The following SORCS2 variants were observed in gnomAD, a reference collection of about 807,000 sequenced individuals.
SORCS2 encodes sortilin related VPS10 domain containing receptor 2, also known as VPS10 domain-containing receptor SorCS2.
Under a neutral mutation model 141.6 loss-of-function variants are expected in SORCS2, and 100 were observed. That is an observed-to-expected ratio of 0.71 (90% confidence interval 0.60 to 0.83). SORCS2 has a LOEUF of 0.83. Among genes scored for constraint, SORCS2 ranks in the 40% least tolerant of loss-of-function variants. The pLI, the probability that SORCS2 is intolerant of heterozygous loss-of-function variation, is 0.00. For synonymous variants in SORCS2, 789 were observed against 676.9 expected (o/e 1.17, Z -2.57); for missense variants, 1,646 against 1,560.2 (o/e 1.05, Z -0.93).
chr4:7,606,341 T>G (rs1258477644), intron 3 of SORCS2, among the ~76,000 whole-genome samples: 1 of 152,076 alleles, frequency 6.6e-6, no homozygotes, highest in Non-Finnish European at 1.5e-5. Flanking sequence ...GTGGATTGCA[T>G]TCTTAAATAC....
At chr4:7,633,635 TG>T (rs1720041336) in intron 3 of SORCS2, among the ~76,000 whole-genome samples, 2 of 152,288 alleles carry the variant, frequency 1.3e-5, no homozygotes, top group South Asian at 4.2e-4. Context: ...GACGCATAAG[TG>T]GATGAGTTTT....
chr4:7,545,224 A>C (rs1713164296), intron 3 of SORCS2, among the ~76,000 whole-genome samples: 1 of 152,176 alleles, frequency 6.6e-6, no homozygotes, highest in African/African-American at 2.4e-5. Flanking sequence ...ACAGAGAGGA[A>C]GGGACTCTGG....
chr4:7,642,627 T>C (rs983702255), intron 4 of SORCS2, among the ~76,000 whole-genome samples: 1 of 152,184 alleles, frequency 6.6e-6, no homozygotes, highest in African/African-American at 2.4e-5. Context: ...ACAAATCTGG[T>C]GTATTAGGCA....
At chr4:7,632,511 C>T (rs1034979266) in intron 3 of SORCS2, among the ~76,000 whole-genome samples, 13 of 152,212 alleles carry the variant, frequency 8.5e-5, no homozygotes, top group Non-Finnish European at 1.6e-4. Context: ...GGCTCACTCT[C>T]CCAACTCGGC....
chr4:7,388,834 C>G (rs1310908758), intron 1 of SORCS2, among the ~76,000 whole-genome samples: 1 of 152,142 alleles, frequency 6.6e-6, no homozygotes, highest in Non-Finnish European at 1.5e-5. Context: ...GTGGTGAGCA[C>G]CCCCGGCGAT....
chr4:7,251,647 A>G (rs1367305911), intron 1 of SORCS2, among the ~76,000 whole-genome samples: 1 of 152,178 alleles, frequency 6.6e-6, no homozygotes, highest in Admixed American at 6.5e-5. Flanking sequence ...GTAAATGGGT[A>G]TGATAGGATC....
At chr4:7,367,497 A>G (rs993394903) in intron 1 of SORCS2, among the ~76,000 whole-genome samples, 1 of 152,236 alleles carries the variant, frequency 6.6e-6, no homozygotes, top group Non-Finnish European at 1.5e-5. Context: ...AGCATTAAAC[A>G]GATGACCTCA....
chr4:7,373,106 C>T (rs150816792), intron 1 of SORCS2, among the ~76,000 whole-genome samples: 399 of 150,994 alleles, frequency 2.6e-3, no homozygotes, highest in Non-Finnish European at 4.6e-3. Context: ...AATACGTAGC[C>T]GTGACATGGC....
chr4:7,578,237 T>G (rs961597938), intron 3 of SORCS2, among the ~76,000 whole-genome samples: 4 of 152,232 alleles, frequency 2.6e-5, no homozygotes, highest in Admixed American at 2.0e-4. Flanking sequence ...TGAAGTAGCC[T>G]GAGACCCTTA....
intron 23 of SORCS2, among the ~76,000 whole-genome samples, chr4:7,730,265 G>C (rs950636460): frequency 6.6e-6 from 1 of 152,182 alleles, no homozygotes; most frequent in African/African-American, 2.4e-5. Flanking sequence ...TTAAAAATCA[G>C]ACAATTCCAA....
At chr4:7,718,290 C>G in intron 18 of SORCS2, 107 bp downstream of exon 18, 1 of 1,295,232 alleles carries the variant, frequency 7.7e-7, no homozygotes. Context: ...AGAAGTGGCT[C>G]AGGGCATCGT....
At chr4:7,373,478 A>ATATATATATATATATATATATTTTTT (rs1470691140) in intron 1 of SORCS2, among the ~76,000 whole-genome samples, 2 of 36,816 alleles carry the variant, frequency 5.4e-5, no homozygotes, top group Non-Finnish European at 8.3e-5. Context: ...ATATATATAT[A>ATATATATATATATATATATATTTTTT]TTTTTTTTTT....
chr4:7,557,199 C>T (rs1219789317), intron 3 of SORCS2, among the ~76,000 whole-genome samples: 1 of 152,186 alleles, frequency 6.6e-6, no homozygotes, highest in Non-Finnish European at 1.5e-5. Context: ...GTTCAGTCAA[C>T]CAAGAAAGTG....
chr4:7,227,776 A>G (rs1421900816), intron 1 of SORCS2, among the ~76,000 whole-genome samples: 1 of 152,154 alleles, frequency 6.6e-6, no homozygotes, highest in Admixed American at 6.5e-5. Flanking sequence ...CCTCAGGCAG[A>G]GCGGCTAAAC....
At chr4:7,230,448 G>A (rs376408470) in intron 1 of SORCS2, among the ~76,000 whole-genome samples, 44 of 140,138 alleles carry the variant, frequency 3.1e-4, no homozygotes, top group Middle Eastern at 5.1e-3. Flanking sequence ...GCATGAAGGA[G>A]ATGAAGATGG....
chr4:7,329,284 C>A (rs1035033993), intron 1 of SORCS2, among the ~76,000 whole-genome samples: 1 of 152,212 alleles, frequency 6.6e-6, no homozygotes. Context: ...CAGCAGCATT[C>A]ACACTTGGCA....
At chr4:7,695,496 G>A (rs1205670717) in intron 11 of SORCS2, among the ~76,000 whole-genome samples, 1 of 38,872 alleles carries the variant, frequency 2.6e-5, no homozygotes, top group South Asian at 2.3e-3. Context: ...GGATGGGTGG[G>A]TGGGTGAGTG....
rs576862677 is a variant in SORCS2, at chr4:7,495,770, CA to C, written c.549-35759del. 2.8e-3 allele frequency among the ~76,000 whole-genome samples: 426 copies of C among 152,320 alleles called. 1 individual carries two copies. The highest frequency in any genetic ancestry group is 4.9e-3 in the Non-Finnish European group (332 of 68,028). ...GCTCTTGAACAATGCAGGCCCTCTG[CA>C]CTTCTCCCTCAGCCCCCTGATTGAG... On this transcript the variant is annotated intron_variant, in intron 2 of 26. Transcript: ENST00000507866.
At chr4:7,656,820 A>C (rs1326887423) in intron 5 of SORCS2, among the ~76,000 whole-genome samples, 1 of 152,174 alleles carries the variant, frequency 6.6e-6, no homozygotes, top group Non-Finnish European at 1.5e-5. Flanking sequence ...TCCCCACTAC[A>C]GCCTTGATGA....
Sources: allele counts gnomAD v4.1 joint callset (sites outside exome capture counted in the v4.1 genomes callset), GRCh38; gene constraint gnomAD v4.1.1; transcripts MANE v1.5; gene names NCBI Gene and HGNC (gene_info 2026-07-23, HGNC 2026-07-21).